The following HUWE1 variants were observed in gnomAD, a reference collection of about 807,000 sequenced individuals.
HUWE1 encodes HECT, UBA and WWE domain containing E3 ubiquitin protein ligase 1.
A neutral mutation model predicts 299.4 loss-of-function variants in HUWE1; 18 were observed. The observed-to-expected ratio is 0.06, with a 90% CI of 0.04 to 0.09. HUWE1 has a LOEUF of 0.09. HUWE1 is among the 10% of genes least tolerant of loss of function. HUWE1 has a pLI of 1.00. For synonymous variants in HUWE1, 1,317 were observed against 1,286.1 expected, an observed-to-expected ratio of 1.02 and a Z score of -0.51; for missense variants, 1,832 against 3,462.3, an observed-to-expected ratio of 0.53 and a Z score of 11.82.
At chrX:53,632,059 T>C (rs1261988575) in intron 9 of HUWE1, 2 of 342,728 alleles carry the variant, frequency 5.8e-6, no homozygotes, top group Non-Finnish European at 1.1e-5. Context: ...CTAAGCTACT[T>C]CTAAACCAAA....
At chrX:53,569,539 C>T in intron 48 of HUWE1, 77 bp downstream of exon 48, 1 of 1,005,011 alleles carries the variant, frequency 1.0e-6, no homozygotes, top group Non-Finnish European at 1.4e-6. Context: ...TGTTCAAGTG[C>T]AAAACCACCC....
Position 53,613,866 on chromosome X carries a change from C to T in HUWE1, c.2261+668G>A, listed in dbSNP as rs782766727. Among the ~76,000 whole-genome samples the T allele has an allele frequency of 1.3e-4, 15 of 111,792 alleles. No homozygotes were observed. In the South Asian group the frequency reaches 2.2e-3, roughly 17 times the overall value. ...ACGTGCCTGAAAAAAATCAAGCAGTCGATGTGGAATATCAAATCAACAAAG... is the reference window on the plus strand; with the variant it reads ...ACGTGCCTGAAAAAAATCAAGCAGTTGATGTGGAATATCAAATCAACAAAG... On this transcript the variant is annotated intron_variant, in intron 23 of 83. Transcript: ENST00000262854.
chrX:53,623,979 A>G (rs1319157187), intron 19 of HUWE1, among the ~76,000 whole-genome samples: 1 of 112,581 alleles, frequency 8.9e-6, no homozygotes, highest in African/African-American at 3.2e-5. Flanking sequence ...AAAATGTATG[A>G]TAATGTTACT....
intron 3 of HUWE1, among the ~76,000 whole-genome samples, chrX:53,660,963 A>C (rs985235270): frequency 9.0e-6 from 1 of 111,556 alleles, no homozygotes; most frequent in Non-Finnish European, 1.9e-5. Context: ...TTTCTTGGTC[A>C]GTAAATGTTA....
intron 3 of HUWE1, among the ~76,000 whole-genome samples, chrX:53,655,996 A>C (rs191068458): frequency 2.7e-5 from 3 of 111,880 alleles, no homozygotes; most frequent in Admixed American, 9.5e-5. Context: ...AAAACCCAAG[A>C]AATCTATTTT....
At chrX:53,580,642 C>T (rs2063570859) in intron 43 of HUWE1, among the ~76,000 whole-genome samples, 189 bp downstream of exon 43, 1 of 112,286 alleles carries the variant, frequency 8.9e-6, no homozygotes. Context: ...GCAGGGATTA[C>T]AACAGGGCAA....
At chrX:53,628,431 C>G (rs1307931999) in intron 15 of HUWE1, 62 bp downstream of exon 15, 36 of 1,089,679 alleles carry the variant, frequency 3.3e-5, no homozygotes, top group Non-Finnish European at 3.9e-5. Context: ...AAACTTGCAT[C>G]TCTACACCCT....
At chrX:53,608,973 G>A in intron 23 of HUWE1, 64 bp from the exon 24 acceptor site, 2 of 651,215 alleles carry the variant, frequency 3.1e-6, no homozygotes, top group South Asian at 4.4e-5. Context: ...GAGAACAGAG[G>A]AGGAGGCACT....
rs2069595541 is a variant in HUWE1, at chrX:53,672,370, C to T, written c.-25+7679G>A. ...CTCCGCCTCCTGGGTTCAAGTGATT[C>T]TCCTGCCTCAGCCTCCCGAGTAGCT... On this transcript the variant is annotated intron_variant, in intron 3 of 83. Coordinates refer to ENST00000262854, the MANE Select transcript of HUWE1 (RefSeq NM_031407.7). Among the ~76,000 whole-genome samples the T allele has an allele frequency of 3.7e-5, 4 of 107,623 alleles. No homozygotes were observed. In the South Asian group the frequency reaches 1.7e-3, roughly 44 times the overall value. The allele number at this position is 107,623 out of a possible 115,157, so 93.5% of individuals were successfully genotyped here.
At chrX:53,551,582 G>C (rs2061765712) in intron 63 of HUWE1, 102 bp from the exon 64 acceptor site, 1 of 748,711 alleles carries the variant, frequency 1.3e-6, no homozygotes, top group Non-Finnish European at 2.0e-6. Flanking sequence ...TGCAACCCTT[G>C]CCTCACTGCA....
intron 29 of HUWE1, among the ~76,000 whole-genome samples, chrX:53,596,860 C>T (rs2064509975): frequency 8.9e-6 from 1 of 112,077 alleles, no homozygotes; most frequent in South Asian, 3.7e-4. Context: ...TGCAGATTGC[C>T]CACCACTTCA....
At chrX:53,539,320 TAAAAAAAAAAA>T (rs34154526) in intron 75 of HUWE1, among the ~76,000 whole-genome samples, 1 of 52,838 alleles carries the variant, frequency 1.9e-5, no homozygotes, top group Non-Finnish European at 3.4e-5. Flanking sequence ...ATTTCTGATT[TAAAAAAAAAAA>T]AAAAAAAAAA....
At chrX:53,658,618 T>C (rs1418421616) in intron 3 of HUWE1, among the ~76,000 whole-genome samples, 1 of 111,361 alleles carries the variant, frequency 9.0e-6, no homozygotes, top group African/African-American at 3.3e-5. Context: ...GGACAAAAGA[T>C]AGTTTTTTCA....
chrX:53,607,367 A>G (rs782787204), intron 25 of HUWE1, among the ~76,000 whole-genome samples, 156 bp downstream of exon 25: 1 of 112,741 alleles, frequency 8.9e-6, no homozygotes, highest in Non-Finnish European at 1.9e-5. Flanking sequence ...AACATGGCAC[A>G]CTATATATTA....
Position 53,617,320 on chromosome X carries a change from G to T in HUWE1, c.1779+20C>A, listed in dbSNP as rs1254837518. On this transcript the variant is annotated intron_variant, in intron 20 of 83. Coordinates refer to ENST00000262854, the MANE Select transcript of HUWE1 (RefSeq NM_031407.7). ...TTCACGCCCTAAGACATTCTTTACA[G>T]AGTAGCAGAAAAGACTTACATCTTT... The T allele has an allele frequency of 9.2e-7, 1 of 1,084,641 alleles. No individual in the cohort carries two copies. The highest frequency in any genetic ancestry group is 1.3e-6 in the Non-Finnish European group (1 of 784,853). 89.4% of individuals were successfully genotyped at this position (1,084,641 alleles called of 1,213,427 possible).
chrX:53,542,845 TTGTG>T (rs57187405), intron 73 of HUWE1: 34,678 of 161,113 alleles, frequency 0.22, 4,742 homozygotes, highest in Admixed American at 0.28. Flanking sequence ...TCTTCTTCTG[TTGTG>T]TGTGTGTGTG....
At position 53,552,351 on chromosome X, in the gene HUWE1, C is replaced by T. The variant is rs782406890; in HGVS notation, c.8841G>A (p.Pro2947=). 1.8e-5 allele frequency: 22 copies of T among 1,209,343 alleles called. No homozygotes were observed. The highest frequency in any genetic ancestry group is 5.9e-5 in the East Asian group (2 of 33,737). The change falls in exon 63 of 84, where the codon CCG becomes CCA. Residue 2947 remains proline, a synonymous_variant. Transcript: ENST00000262854. ...CTTCTTCACTGCTTGTTGAAGGCAA[C>T]GGCTCTTCTAGGATTCCTCGGGAAT... ...GADSRGILEE[P]LPSTSSEEED...
rs2063577597 is a variant in HUWE1, at chrX:53,580,757, C to A, written c.5716+74G>T. 4 of 1,027,897 alleles carry A rather than the reference C, an allele frequency of 3.9e-6. No homozygotes were observed. In the East Asian group the frequency reaches 9.2e-5, roughly 24 times the overall value. The allele number at this position is 1,027,897 out of a possible 1,213,427, so 84.7% of individuals were successfully genotyped here. On this transcript the variant is annotated intron_variant, in intron 43 of 83. Coordinates refer to ENST00000262854, the MANE Select transcript of HUWE1 (RefSeq NM_031407.7). Reference sequence around the variant, plus strand: ...AGGAGGCTCTTCAAGTTACAGACCTCCTCATAAATAAATTTCTGGATTTAT... The same window carrying A: ...AGGAGGCTCTTCAAGTTACAGACCTACTCATAAATAAATTTCTGGATTTAT...
At chrX:53,669,429 G>GTACTC (rs2069408419) in intron 3 of HUWE1, among the ~76,000 whole-genome samples, 1 of 111,948 alleles carries the variant, frequency 8.9e-6, no homozygotes, top group Non-Finnish European at 1.9e-5. Context: ...GTATGCAAAG[G>GTACTC]TACTCTAGTT....
Sources: gnomAD v4.1 joint callset for allele counts (sites outside exome capture counted in the v4.1 genomes callset) on GRCh38, gnomAD v4.1.1 for gene constraint, MANE v1.5 for transcripts, NCBI Gene and HGNC (gene_info 2026-07-23, HGNC 2026-07-21) for gene names.